The following ITGA9 variants were observed in gnomAD, a reference collection of about 807,000 sequenced individuals.
ITGA9 encodes integrin subunit alpha 9.
A neutral mutation model predicts 127.8 loss-of-function variants in ITGA9; 56 were observed. The observed-to-expected ratio is 0.44, with a 90% CI of 0.35 to 0.55. The LOEUF is 0.55. Among genes scored for constraint, ITGA9 ranks in the 20% least tolerant of loss-of-function variants. The probability of loss-of-function intolerance (pLI) is 0.00; values close to 1 mark genes in which losing one functional copy is unlikely to be tolerated. For synonymous variants in ITGA9, 508 were observed against 514.5 expected (o/e 0.99, Z 0.17); for missense variants, 1,196 against 1,347.1 (o/e 0.89, Z 1.76).
At chr3:37,677,484 A>T (rs1021228783) in intron 17 of ITGA9, among the ~76,000 whole-genome samples, 8 of 152,262 alleles carry the variant, frequency 5.3e-5, no homozygotes, top group African/African-American at 1.9e-4. Flanking sequence ...TTGTAAAGAG[A>T]TGACACCTTA....
chr3:37,583,675 G>A (rs542092050), intron 15 of ITGA9, among the ~76,000 whole-genome samples: 20 of 152,278 alleles, frequency 1.3e-4, no homozygotes, highest in African/African-American at 4.6e-4. Flanking sequence ...ACTTGGATTC[G>A]ATTTGTTGAT....
intron 6 of ITGA9, 110 bp from the exon 7 acceptor site, chr3:37,505,890 T>C (rs1445591387): frequency 1.2e-6 from 1 of 817,436 alleles, no homozygotes; most frequent in Non-Finnish European, 2.1e-6. Context: ...TGGTAGTTTA[T>C]GTTCCAAGAG....
intron 22 of ITGA9, chr3:37,748,294 GA>G (rs1395096101): frequency 3.8e-6 from 2 of 529,322 alleles, no homozygotes; most frequent in Admixed American, 2.1e-5. Flanking sequence ...TGGCTAAACT[GA>G]AAGAGTCTAC....
intron 16 of ITGA9, among the ~76,000 whole-genome samples, chr3:37,649,745 G>C (rs111601921): frequency 0.011 from 1,721 of 152,298 alleles, 35 homozygotes; most frequent in African/African-American, 0.038. Context: ...GAACTGTTCA[G>C]CCAACAGTGG....
chr3:37,560,145 C>T (rs1471954560), intron 15 of ITGA9, among the ~76,000 whole-genome samples: 1 of 152,016 alleles, frequency 6.6e-6, no homozygotes. Flanking sequence ...TGTTCCCTGC[C>T]CTGTGTCCAA....
chr3:37,476,383 TC>T (rs1698494344), intron 3 of ITGA9, among the ~76,000 whole-genome samples: 1 of 152,092 alleles, frequency 6.6e-6, no homozygotes, highest in South Asian at 2.1e-4. Context: ...ATAGTGGCCC[TC>T]CTAATGGGTG....
intron 15 of ITGA9, among the ~76,000 whole-genome samples, chr3:37,574,119 G>A (rs1017076159): frequency 1.3e-5 from 2 of 152,092 alleles, no homozygotes; most frequent in Admixed American, 1.3e-4. Context: ...TGGATAGGAA[G>A]AAAAAAATCC....
intron 15 of ITGA9, among the ~76,000 whole-genome samples, chr3:37,603,844 C>G (rs934145509): frequency 2.6e-5 from 4 of 152,208 alleles, no homozygotes; most frequent in African/African-American, 9.7e-5. Context: ...GACCTGGAGC[C>G]CTGCTCTTTC....
chr3:37,502,942 G>C (rs909225652), intron 5 of ITGA9, among the ~76,000 whole-genome samples: 3 of 152,194 alleles, frequency 2.0e-5, no homozygotes, highest in African/African-American at 2.4e-5. Flanking sequence ...CTGGCCTGTC[G>C]TGAATTCTGT....
At chr3:37,486,205 T>C (rs1698609148) in intron 4 of ITGA9, among the ~76,000 whole-genome samples, 1 of 152,190 alleles carries the variant, frequency 6.6e-6, no homozygotes, top group South Asian at 2.1e-4. Context: ...CTGATGAGTG[T>C]GGAATAGTTT....
At chr3:37,593,256 A>G (rs1015033082) in intron 15 of ITGA9, among the ~76,000 whole-genome samples, 1 of 152,212 alleles carries the variant, frequency 6.6e-6, no homozygotes, top group African/African-American at 2.4e-5. Context: ...TACCTACAAC[A>G]ATGTCAATGC....
At chr3:37,744,686 A>G (rs1166998835) in intron 22 of ITGA9, among the ~76,000 whole-genome samples, 2 of 152,244 alleles carry the variant, frequency 1.3e-5, no homozygotes, top group African/African-American at 4.8e-5. Context: ...GAAAAGAGCC[A>G]TGGGGTAATT....
chr3:37,795,870 T>C (rs1462556012), intron 26 of ITGA9, among the ~76,000 whole-genome samples: 1 of 152,224 alleles, frequency 6.6e-6, no homozygotes, highest in Non-Finnish European at 1.5e-5. Context: ...TTTTTCCTTG[T>C]ACTCCCACAT....
At chr3:37,480,698 A>G (rs779521874) in intron 3 of ITGA9, among the ~76,000 whole-genome samples, 1 of 152,222 alleles carries the variant, frequency 6.6e-6, no homozygotes, top group Non-Finnish European at 1.5e-5. Flanking sequence ...GGGTAGAAAC[A>G]TGGTTGAATA....
At chr3:37,462,652 C>G (rs1315553734) in intron 1 of ITGA9, among the ~76,000 whole-genome samples, 1 of 152,188 alleles carries the variant, frequency 6.6e-6, no homozygotes, top group Non-Finnish European at 1.5e-5. Context: ...CATCAAGGCC[C>G]TGTCCAAGGT....
rs114729459 is a variant in ITGA9, at chr3:37,470,140, G to T, written c.186-867G>T. Among the ~76,000 whole-genome samples the T allele has an allele frequency of 5.3e-4, 71 of 133,022 alleles. 1 individual carries two copies. Among genetic ancestry groups the T allele is most frequent in the African/African-American group, 8.5e-4 (30 of 35,472 alleles). 87.3% of individuals were successfully genotyped at this position (133,022 alleles called of 152,430 possible). A position where few individuals can be genotyped will look rare whatever the true frequency, so the allele number is the denominator to read the frequency against. ...CTGATGGGCCTTTAGGTTTCTTCTT[G>T]TTTTTTTTTTTTTTTTTGATATTAC... On this transcript the variant is annotated intron_variant, in intron 1 of 27. Transcript: ENST00000264741.
chr3:37,646,043 A>G (rs1361331553), intron 16 of ITGA9, among the ~76,000 whole-genome samples: 1 of 152,242 alleles, frequency 6.6e-6, no homozygotes, highest in East Asian at 1.9e-4. Context: ...TCTGACTCAG[A>G]GGAAAATGCA....
chr3:37,461,707 T>G (rs964513985), intron 1 of ITGA9, among the ~76,000 whole-genome samples: 5 of 152,256 alleles, frequency 3.3e-5, no homozygotes, highest in African/African-American at 1.2e-4. Context: ...TTTGTTATGC[T>G]CTACATAAAT....
chr3:37,681,752 C>T (rs1700736922), intron 17 of ITGA9, among the ~76,000 whole-genome samples: 1 of 152,182 alleles, frequency 6.6e-6, no homozygotes, highest in African/African-American at 2.4e-5. Flanking sequence ...TCCTTGTCAT[C>T]TTCAGCCTCA....
Sources: gnomAD v4.1 joint callset for allele counts (sites outside exome capture counted in the v4.1 genomes callset) on GRCh38, gnomAD v4.1.1 for gene constraint, MANE v1.5 for transcripts, NCBI Gene and HGNC (gene_info 2026-07-23, HGNC 2026-07-21) for gene names.